Variants in GRM5 observed in about 807,000 individuals in gnomAD.
GRM5 encodes the protein metabotropic glutamate receptor 5.
GRM5 carries 19 observed loss-of-function variants against 83.1 expected under a neutral mutation model. The observed-to-expected ratio is 0.23, with a 90% CI of 0.16 to 0.34. GRM5 has a LOEUF of 0.34. Among genes scored for constraint, GRM5 ranks in the 10% least tolerant of loss-of-function variants. GRM5 has a pLI of 1.00. For synonymous variants in GRM5, 675 were observed against 633.6 expected, an observed-to-expected ratio of 1.07 and a Z score of -0.98; for missense variants, 1,160 against 1,588.3, an observed-to-expected ratio of 0.73 and a Z score of 4.58.
chr11:88,569,508 C>T (rs1313419940), intron 7 of GRM5, among the ~76,000 whole-genome samples: 2 of 152,208 alleles, frequency 1.3e-5, no homozygotes, highest in Non-Finnish European at 2.9e-5. Context: ...GAATAGGTTT[C>T]AGCCAATAAC....
chr11:88,854,689 C>T (rs1944442022), intron 2 of GRM5, among the ~76,000 whole-genome samples: 1 of 151,944 alleles, frequency 6.6e-6, no homozygotes, highest in Non-Finnish European at 1.5e-5. Flanking sequence ...ACAATGTTCA[C>T]ATCTGGCTGA....
At chr11:88,892,661 A>T (rs1235525706) in intron 2 of GRM5, among the ~76,000 whole-genome samples, 1 of 152,060 alleles carries the variant, frequency 6.6e-6, no homozygotes, top group African/African-American at 2.4e-5. Flanking sequence ...TCCAAAGCTT[A>T]TCATACATTT....
chr11:88,874,385 A>G (rs930885056), intron 2 of GRM5, among the ~76,000 whole-genome samples: 1 of 151,920 alleles, frequency 6.6e-6, no homozygotes, highest in Non-Finnish European at 1.5e-5. Context: ...GGATACTCAT[A>G]TGTTGAAGAA....
At chr11:88,995,847 A>G (rs548350059) in intron 2 of GRM5, among the ~76,000 whole-genome samples, 5 of 152,340 alleles carry the variant, frequency 3.3e-5, no homozygotes, top group African/African-American at 9.6e-5. Flanking sequence ...AATGTATAAG[A>G]AGAATGATTA....
chr11:88,746,587 G>A (rs980866348), intron 3 of GRM5, among the ~76,000 whole-genome samples: 1 of 150,278 alleles, frequency 6.7e-6, no homozygotes, highest in Non-Finnish European at 1.5e-5. Context: ...AAAAAAATAA[G>A]CTTAAGCCAA....
At chr11:88,832,470 T>A (rs1335069075) in intron 3 of GRM5, among the ~76,000 whole-genome samples, 2 of 152,090 alleles carry the variant, frequency 1.3e-5, no homozygotes, top group Non-Finnish European at 2.9e-5. Flanking sequence ...TTAAGAGAAC[T>A]TAATTGAATA....
intron 3 of GRM5, among the ~76,000 whole-genome samples, chr11:88,724,606 A>G (rs1499176): frequency 0.64 from 97,632 of 152,078 alleles, 33,449 homozygotes; most frequent in South Asian, 0.84. Context: ...AATAACAAAC[A>G]TAGGTGGCTG....
At chr11:88,609,046 G>A (rs2135238429) in intron 4 of GRM5, among the ~76,000 whole-genome samples, 1 of 152,084 alleles carries the variant, frequency 6.6e-6, no homozygotes, top group Middle Eastern at 3.4e-3. Context: ...TTTGTTACAT[G>A]GGTAAATTGT....
intron 3 of GRM5, among the ~76,000 whole-genome samples, chr11:88,678,982 A>G (rs61084820): frequency 0.013 from 1,917 of 152,290 alleles, 43 homozygotes; most frequent in African/African-American, 0.044. Context: ...ACTCCACATC[A>G]TATGGAAATC....
At chr11:88,625,511 A>G (rs1239080641) in intron 4 of GRM5, among the ~76,000 whole-genome samples, 1 of 152,114 alleles carries the variant, frequency 6.6e-6, no homozygotes, top group Admixed American at 6.5e-5. Context: ...TGACCTTCAT[A>G]TTTAAAAATT....
chr11:88,794,781 T>C (rs1943244224), intron 3 of GRM5, among the ~76,000 whole-genome samples: 1 of 152,228 alleles, frequency 6.6e-6, no homozygotes, highest in African/African-American at 2.4e-5. Flanking sequence ...TTATGGTTAC[T>C]TTGTCTGCTT....
At chr11:88,926,714 T>C (rs1945795024) in intron 2 of GRM5, among the ~76,000 whole-genome samples, 1 of 152,208 alleles carries the variant, frequency 6.6e-6, no homozygotes, top group African/African-American at 2.4e-5. Context: ...ACTAGACTTC[T>C]AAATCATAGA....
chr11:88,838,391 T>A (rs902698768), intron 3 of GRM5, among the ~76,000 whole-genome samples: 1 of 152,112 alleles, frequency 6.6e-6, no homozygotes, highest in African/African-American at 2.4e-5. Context: ...TCTCTTCTTT[T>A]TATGGAGCAG....
rs80332546 is a variant in GRM5 at position 88,658,307 on chromosome 11, A to C, written c.912-4904T>G. Reference sequence around the variant, plus strand: ...TAGGGGAATCATACAATGGTTCTTAAGATTCTGCTTAAAAGTGGCACATGT... The same window carrying C: ...TAGGGGAATCATACAATGGTTCTTACGATTCTGCTTAAAAGTGGCACATGT... On this transcript the variant is annotated intron_variant, in intron 3 of 9. Transcript: ENST00000305447. Among the ~76,000 whole-genome samples, 570 of 152,294 alleles carry C rather than the reference A, an allele frequency of 3.7e-3. 10 individuals carry two copies. Among genetic ancestry groups the C allele is most frequent in the Admixed American group, 0.029 (447 of 15,274 alleles).
At position 88,632,413 on chromosome 11, in the gene GRM5, T is replaced by C. The variant is rs79833281; in HGVS notation, c.1147+20755A>G. On this transcript the variant is annotated intron_variant, in intron 4 of 9. Transcript: ENST00000305447. ...ACACCTGGCCAATGTTTCTATTTTT[T>C]TGTAGAGTCGGGGTCTCCCTATGTT... Among the ~76,000 whole-genome samples the C allele has an allele frequency of 2.4e-3, 371 of 152,154 alleles. 4 individuals carry two copies. The highest frequency in any genetic ancestry group is 4.2e-3 in the Non-Finnish European group (284 of 67,988).
intron 2 of GRM5, among the ~76,000 whole-genome samples, chr11:88,932,038 AAC>A (rs1937724656): frequency 6.6e-6 from 1 of 151,984 alleles, no homozygotes; most frequent in Admixed American, 6.6e-5. Flanking sequence ...CAAAGACTAA[AAC>A]ACATAAAACC....
At position 88,820,513 on chromosome 11, in the gene GRM5, G is replaced by C. The variant is rs533108895; in HGVS notation, c.911+29393C>G. Among the ~76,000 whole-genome samples, 13 of 152,040 alleles carry C rather than the reference G, an allele frequency of 8.6e-5. No homozygotes were observed. In the East Asian group the frequency reaches 2.5e-3, roughly 29 times the overall value. Reference sequence around the variant, plus strand: ...TGCTGGTCTTTGCAGAGAAGTATTAGATAAAAGCACTTTATAATTTGAAAA... The same window carrying C: ...TGCTGGTCTTTGCAGAGAAGTATTACATAAAAGCACTTTATAATTTGAAAA... On this transcript the variant is annotated intron_variant, in intron 3 of 9. Transcript: ENST00000305447.
At chr11:88,876,150 C>T (rs1944849564) in intron 2 of GRM5, among the ~76,000 whole-genome samples, 1 of 152,110 alleles carries the variant, frequency 6.6e-6, no homozygotes, top group Non-Finnish European at 1.5e-5. Context: ...TTTCGTGTAA[C>T]CACCTTTATC....
intron 4 of GRM5, among the ~76,000 whole-genome samples, chr11:88,641,840 C>T (rs1351983762): frequency 1.3e-5 from 2 of 152,178 alleles, no homozygotes; most frequent in Admixed American, 6.6e-5. Flanking sequence ...GCTACTCTCA[C>T]GGGTTGAAGT....
Sources: allele counts gnomAD v4.1 joint callset (sites outside exome capture counted in the v4.1 genomes callset), GRCh38; gene constraint gnomAD v4.1.1; transcripts MANE v1.5; gene names NCBI Gene and HGNC (gene_info 2026-07-23, HGNC 2026-07-21).